Variants in NHSL1 observed in about 807,000 individuals in gnomAD.
The protein encoded by NHSL1 is NHS-like protein 1.
A neutral mutation model predicts 95.0 loss-of-function variants in NHSL1; 48 were observed. The ratio of observed to expected loss-of-function variants is 0.51; its 90% CI spans 0.40 to 0.64. The LOEUF (loss-of-function observed/expected upper bound fraction) is 0.64. Ranked by LOEUF, NHSL1 falls within the 30% of genes least tolerant of loss-of-function variation. The probability of loss-of-function intolerance (pLI) is 0.00; values close to 1 mark genes in which losing one functional copy is unlikely to be tolerated. For missense variants in NHSL1, 1,971 were observed against 2,077.7 expected, an observed-to-expected ratio of 0.95 and a Z score of 1.00; for synonymous variants, 783 against 833.9, an observed-to-expected ratio of 0.94 and a Z score of 1.05.
chr6:138,466,239 C>T (rs781287492), intron 3 of NHSL1, among the ~76,000 whole-genome samples: 1 of 151,694 alleles, frequency 6.6e-6, no homozygotes, highest in Non-Finnish European at 1.5e-5. Context: ...GACAGGGTTT[C>T]ACCATGTTAG....
At chr6:138,627,612 G>A (rs1784759499) in intron 1 of NHSL1, among the ~76,000 whole-genome samples, 2 of 152,160 alleles carry the variant, frequency 1.3e-5, no homozygotes, top group African/African-American at 4.8e-5. Context: ...GGCCAGTCGC[G>A]GTGGCTCACG....
At position 138,568,400 on chromosome 6, in the gene NHSL1, C is replaced by T. The variant is rs181297327; in HGVS notation, c.202+3310G>A. 5.1e-3 allele frequency among the ~76,000 whole-genome samples: 780 copies of T among 152,318 alleles called. 3 individuals are homozygous for T. Among genetic ancestry groups the T allele is most frequent in the South Asian group, 0.014 (68 of 4,830 alleles). ...ACCAATAAATGCTCTCACAACTTCA[C>T]GTGAAAAGTTACATATTGTCTTATC... On this transcript the variant is annotated intron_variant, in intron 1 of 6. Coordinates refer to the NHSL1 transcript ENST00000427025.
At chr6:138,456,315 C>G (rs1326146166) in intron 3 of NHSL1, among the ~76,000 whole-genome samples, 1 of 152,182 alleles carries the variant, frequency 6.6e-6, no homozygotes, top group Non-Finnish European at 1.5e-5. Context: ...TGCCCCAAAC[C>G]TACGCTCTCA....
chr6:138,650,523 A>G, intron 1 of NHSL1: 9 of 620,732 alleles, frequency 1.4e-5, no homozygotes, highest in South Asian at 1.1e-4. Context: ...GTAGGCCAGT[A>G]GGTTACAGCC....
At chr6:138,557,631 G>T (rs1302474571) in intron 1 of NHSL1, among the ~76,000 whole-genome samples, 1 of 152,240 alleles carries the variant, frequency 6.6e-6, no homozygotes, top group African/African-American at 2.4e-5. Flanking sequence ...CCAATGACTA[G>T]TCACAGTGAC....
intron 2 of NHSL1, among the ~76,000 whole-genome samples, chr6:138,483,667 A>G (rs1779555952): frequency 6.6e-6 from 1 of 152,172 alleles, no homozygotes; most frequent in Non-Finnish European, 1.5e-5. Context: ...AACTTTCAAC[A>G]CACAATCAGA....
Position 138,431,610 on chromosome 6 carries a change from T to C in NHSL1, c.2735A>G (p.Glu912Gly), listed in dbSNP as rs1181438006. 3 of 1,551,582 alleles carry C rather than the reference T, an allele frequency of 1.9e-6. No individual in the cohort carries two copies. In the South Asian group the frequency reaches 3.6e-5, roughly 18 times the overall value. The change falls in exon 6 of 8, where the codon GAA (glutamate) becomes GGA (glycine). Residue 912 changes from glutamate (E) to glycine (G), a missense_variant. This residue lies in a region of NHSL1 where 1,602 missense variants were observed against 1,654.5 expected (regional missense o/e 0.97). Coordinates refer to ENST00000343505, the MANE Select transcript of NHSL1 (RefSeq NM_001144060.2). The surrounding 1 kb of genome is among the most constrained non-coding windows in gnomAD (Gnocchi z 4.0). ...CAGCTTCTTCATAGTGCCACTTCCT[T>C]CAGTAGAAGTACTAGAAGAAAGAGA... Reference protein sequence around the residue: ...STSLSSSTSTEGSGTMKKLDP... With the variant: ...STSLSSSTSTGGSGTMKKLDP...
intron 1 of NHSL1, among the ~76,000 whole-genome samples, chr6:138,588,187 G>A (rs762440758): frequency 2.6e-5 from 4 of 152,256 alleles, no homozygotes; most frequent in Non-Finnish European, 4.4e-5. Context: ...AACTGGCTGG[G>A]CCTGGTGGCT....
At chr6:138,680,575 T>C (rs1398262900) in intron 1 of NHSL1, among the ~76,000 whole-genome samples, 1 of 152,202 alleles carries the variant, frequency 6.6e-6, no homozygotes, top group East Asian at 1.9e-4. Flanking sequence ...CCCAACTATG[T>C]TGTTGCAGAC....
chr6:138,655,262 T>C (rs1376764412), intron 1 of NHSL1, among the ~76,000 whole-genome samples: 3 of 152,208 alleles, frequency 2.0e-5, no homozygotes, highest in Admixed American at 1.3e-4. Flanking sequence ...ACAATAACAC[T>C]ACCTCTGTTT....
chr6:138,491,687 C>T (rs890666822), intron 2 of NHSL1, among the ~76,000 whole-genome samples: 4 of 152,230 alleles, frequency 2.6e-5, no homozygotes, highest in African/African-American at 9.6e-5. Flanking sequence ...TTGTTGCTAG[C>T]CAGATGTCTA....
At chr6:138,651,187 C>T (rs1480340225) in intron 1 of NHSL1, among the ~76,000 whole-genome samples, 1 of 152,172 alleles carries the variant, frequency 6.6e-6, no homozygotes, top group Non-Finnish European at 1.5e-5. Flanking sequence ...GGTATTTCTT[C>T]AGTTTAACCT....
At chr6:138,615,887 A>G (rs763069674) in intron 1 of NHSL1, among the ~76,000 whole-genome samples, 3 of 150,274 alleles carry the variant, frequency 2.0e-5, no homozygotes, top group Non-Finnish European at 4.4e-5. Flanking sequence ...ACTCCTGGTT[A>G]TAACTGTACT....
At chr6:138,504,532 G>A (rs1005179343) in intron 1 of NHSL1, among the ~76,000 whole-genome samples, 11 of 152,208 alleles carry the variant, frequency 7.2e-5, no homozygotes, top group African/African-American at 2.4e-4. Flanking sequence ...GGGATGTGGG[G>A]AGATATGCTG....
At chr6:138,665,405 G>A (rs1046855848) in intron 1 of NHSL1, among the ~76,000 whole-genome samples, 2 of 152,186 alleles carry the variant, frequency 1.3e-5, no homozygotes, top group African/African-American at 4.8e-5. Flanking sequence ...GACAAAACCA[G>A]TTCCTTCTTC....
chr6:138,541,958 C>T lies in NHSL1; in HGVS notation c.16+3665G>A, dbSNP rs184673783. On this transcript the variant is annotated intron_variant, in intron 1 of 4. Coordinates refer to the NHSL1 transcript ENST00000342260. ...CCCTCAGGCTATGTGATTTTACATGCGGTCCACTGAATTGGGTTGAATAGC... is the reference window on the plus strand; with the variant it reads ...CCCTCAGGCTATGTGATTTTACATGTGGTCCACTGAATTGGGTTGAATAGC... 2.3e-4 allele frequency among the ~76,000 whole-genome samples: 35 copies of T among 152,286 alleles called. No individual in the cohort carries two copies. The East Asian group carries it at 4.6e-3, about 20-fold the overall frequency.
intron 1 of NHSL1, among the ~76,000 whole-genome samples, chr6:138,515,486 T>G (rs755241091): frequency 3.9e-5 from 6 of 152,208 alleles, no homozygotes; most frequent in African/African-American, 7.2e-5. Context: ...GGAGGGTGGA[T>G]TTTTCACTTA....
intron 1 of NHSL1, among the ~76,000 whole-genome samples, chr6:138,663,495 C>T (rs1218175768): frequency 6.8e-6 from 1 of 146,368 alleles, no homozygotes; most frequent in Non-Finnish European, 1.5e-5. Context: ...GGGGGGCAGA[C>T]GTTGTGTTGA....
At chr6:138,532,601 T>C (rs1251833232) in intron 1 of NHSL1, among the ~76,000 whole-genome samples, 1 of 152,114 alleles carries the variant, frequency 6.6e-6, no homozygotes, top group Non-Finnish European at 1.5e-5. Context: ...CTGGGTATCT[T>C]ATCTCATTTG....
Sources: gnomAD v4.1 joint callset for allele counts (sites outside exome capture counted in the v4.1 genomes callset) on GRCh38, gnomAD v4.1.1 for gene constraint, gnomAD v4.1.1 regional missense constraint, Gnocchi (gnomAD v3.1) non-coding constraint, MANE v1.5 for transcripts, NCBI Gene and HGNC (gene_info 2026-07-23, HGNC 2026-07-21) for gene names.